Variants in CLDN1 observed in about 807,000 individuals in gnomAD.
The protein encoded by CLDN1 is claudin-1.
In CLDN1, 12 loss-of-function variants were observed where a neutral mutation model predicts 22.6. The observed-to-expected ratio is 0.53, with a 90% CI of 0.34 to 0.86. CLDN1 has a LOEUF of 0.86. Among genes scored for constraint, CLDN1 ranks in the 40% least tolerant of loss-of-function variants. The probability of loss-of-function intolerance (pLI) is 0.02; values close to 1 mark genes in which losing one functional copy is unlikely to be tolerated. For missense variants in CLDN1, 250 were observed against 269.5 expected (o/e 0.93, Z 0.51); for synonymous variants, 99 against 103.8 (o/e 0.95, Z 0.28).
chr3:190,322,193 C>A lies in CLDN1; in HGVS notation c.14G>T (p.Gly5Val), dbSNP rs1339820363. MANA[G>V]LQLLGFILAF... ...GAGAATGAAGCCCAACAGCTGCAGC[C>A]CCGCGTTGGCCATGACTCGCTCGGG... Residue 5 changes from glycine (G) to valine (V), a missense_variant, in exon 1 of 4, where the codon GGG becomes GTG. Physicochemically the swap from Gly to Val is moderately radical, Grantham distance 109 (BLOSUM62 -3). Coordinates refer to ENST00000295522, the MANE Select transcript of CLDN1 (RefSeq NM_021101.5). 1.1e-5 allele frequency: 18 copies of A among 1,613,800 alleles called. No individual in the cohort carries two copies. Among genetic ancestry groups the A allele is most frequent in the Non-Finnish European group, 1.5e-5 (18 of 1,180,012 alleles).
intron 2 of CLDN1, among the ~76,000 whole-genome samples, chr3:190,311,679 A>T (rs1716622576): frequency 6.6e-6 from 1 of 151,142 alleles, no homozygotes; most frequent in Non-Finnish European, 1.5e-5. Flanking sequence ...AACATATAGT[A>T]GTCTATTATT....
At chr3:190,313,505 T>C (rs1415006871) in intron 1 of CLDN1, among the ~76,000 whole-genome samples, 1 of 152,188 alleles carries the variant, frequency 6.6e-6, no homozygotes, top group Non-Finnish European at 1.5e-5. Context: ...ATCAATAAGC[T>C]TCAGAAAAAC....
At chr3:190,317,478 C>T (rs931971159) in intron 1 of CLDN1, among the ~76,000 whole-genome samples, 1 of 152,186 alleles carries the variant, frequency 6.6e-6, no homozygotes, top group African/African-American at 2.4e-5. Flanking sequence ...TACTGATCTA[C>T]TACACTTAGG....
Position 190,322,256 on chromosome 3 carries a change from G to T in CLDN1, c.-50C>A. 1 of 1,565,080 alleles carries T rather than the reference G, an allele frequency of 6.4e-7. No homozygotes were observed. ...CTCAGGGGTGGCAGGTGCAGAAGGCGGAGAGTTTGCAGGTGGGCAACCCGG... is the reference window on the plus strand; with the variant it reads ...CTCAGGGGTGGCAGGTGCAGAAGGCTGAGAGTTTGCAGGTGGGCAACCCGG... On this transcript the variant is annotated 5_prime_UTR_variant, in exon 1 of 4. Transcript: ENST00000295522.
At chr3:190,308,656 A>G (rs1716527549) in intron 3 of CLDN1, among the ~76,000 whole-genome samples, 1 of 152,214 alleles carries the variant, frequency 6.6e-6, no homozygotes, top group African/African-American at 2.4e-5. Context: ...AGGAAATAAC[A>G]CATGTAATAC....
Position 190,308,119 on chromosome 3 carries a change from G to A in CLDN1, c.*158C>T, listed in dbSNP as rs1716508065. 4 of 836,630 alleles carry A rather than the reference G, an allele frequency of 4.8e-6. No individual in the cohort carries two copies. The highest frequency in any genetic ancestry group is 4.4e-5 in the South Asian group (3 of 68,264). The allele number at this position is 836,630 out of a possible 1,614,324, so 51.8% of individuals were successfully genotyped here. ...ATAAGATTAAGCCATGTTTAGCACT[G>A]AGTATTTTAACACATGGGTTTTTTG... On this transcript the variant is annotated 3_prime_UTR_variant, in exon 4 of 4. Coordinates refer to ENST00000295522, the MANE Select transcript of CLDN1 (RefSeq NM_021101.5).
In CLDN1 at chr3:190,307,664, A is replaced by G. The variant is rs1370365302; in HGVS notation, c.*613T>C. 6.6e-6 allele frequency: 1 copy of G among 152,324 alleles called. No homozygotes were observed. Among genetic ancestry groups the G allele is most frequent in the Non-Finnish European group, 1.5e-5 (1 of 68,136 alleles). The allele number at this position is 152,324 out of a possible 1,614,324, so 9.4% of individuals were successfully genotyped here. A position where few individuals can be genotyped will look rare whatever the true frequency, so the allele number is the denominator to read the frequency against. On this transcript the variant is annotated 3_prime_UTR_variant, in exon 4 of 4. Coordinates refer to ENST00000295522, the MANE Select transcript of CLDN1 (RefSeq NM_021101.5). ...ACAAATAAGGGCTTAATAACGATGCAAGTGCTATAAGATTATGGTAAAAAA... is the reference window on the plus strand; with the variant it reads ...ACAAATAAGGGCTTAATAACGATGCGAGTGCTATAAGATTATGGTAAAAAA...
intron 1 of CLDN1, among the ~76,000 whole-genome samples, chr3:190,320,075 G>GA (rs1716878605): frequency 6.6e-6 from 1 of 151,492 alleles, no homozygotes; most frequent in Non-Finnish European, 1.5e-5. Context: ...AGTGTGTGTG[G>GA]GGGGGTAGGT....
intron 2 of CLDN1, among the ~76,000 whole-genome samples, chr3:190,312,495 T>C (rs1716649600): frequency 2.0e-5 from 3 of 152,208 alleles, no homozygotes; most frequent in Non-Finnish European, 2.9e-5. Flanking sequence ...AGGGTTCACA[T>C]ATTCTTGTGT....
chr3:190,307,977 T>C lies in CLDN1; in HGVS notation c.*300A>G, dbSNP rs1208623535. On this transcript the variant is annotated 3_prime_UTR_variant, in exon 4 of 4. Transcript: ENST00000295522. The stretch of plus-strand genomic sequence containing the variant: ...TTTTTAATAGAAAAACATGTATATA[T>C]ACATATCTATATATATTTAAGGAGC... 3.3e-6 allele frequency: 1 copy of C among 300,926 alleles called. No individual in the cohort carries two copies. Among genetic ancestry groups the C allele is most frequent in the African/African-American group, 2.1e-5 (1 of 46,634 alleles). 18.6% of individuals were successfully genotyped at this position (300,926 alleles called of 1,614,324 possible).
chr3:190,309,000 G>A (rs1376451776), intron 3 of CLDN1, among the ~76,000 whole-genome samples: 4 of 152,110 alleles, frequency 2.6e-5, no homozygotes, highest in Admixed American at 2.6e-4. Context: ...AGACACTTAG[G>A]GTGGGGTATC....
At chr3:190,312,011 G>A (rs868617562) in intron 2 of CLDN1, among the ~76,000 whole-genome samples, 2 of 150,594 alleles carry the variant, frequency 1.3e-5, no homozygotes, top group East Asian at 1.9e-4. Context: ...GCAGTGGTGC[G>A]ATCTCGGCTC....
intron 1 of CLDN1, among the ~76,000 whole-genome samples, chr3:190,313,435 A>G (rs1288632101): frequency 1.3e-5 from 2 of 152,244 alleles, no homozygotes; most frequent in East Asian, 3.8e-4. Flanking sequence ...GATGTTAACT[A>G]TTTGTAATCA....
chr3:190,309,490 C>A (rs1348333336), intron 3 of CLDN1, among the ~76,000 whole-genome samples: 1 of 152,158 alleles, frequency 6.6e-6, no homozygotes, highest in Non-Finnish European at 1.5e-5. Context: ...ATTTTAACAT[C>A]CTGACTGAAT....
chr3:190,306,905 G>T lies in CLDN1; in HGVS notation c.*1372C>A, dbSNP rs531676990. 2.0e-5 allele frequency: 3 copies of T among 152,656 alleles called. No homozygotes were observed. The highest frequency in any genetic ancestry group is 4.4e-5 in the Non-Finnish European group (3 of 68,096). The allele number at this position is 152,656 out of a possible 1,614,324, so 9.5% of individuals were successfully genotyped here. ...GAGGAAGGCACTGAACCACATGAAG[G>T]TATGTGTGTAGGTTTTGTTCAGTGG... is the stretch of plus-strand genomic sequence containing the variant. On this transcript the variant is annotated 3_prime_UTR_variant, in exon 4 of 4. Transcript: ENST00000295522.
intron 3 of CLDN1, 43 bp downstream of exon 3, chr3:190,310,126 A>G (rs374333339): frequency 5.2e-6 from 8 of 1,531,810 alleles, no homozygotes; most frequent in African/African-American, 2.7e-5. Context: ...TAAAAAGGGC[A>G]TTTTCTCAGA....
intron 1 of CLDN1, 97 bp downstream of exon 1, chr3:190,321,887 T>A: frequency 1.1e-6 from 1 of 898,450 alleles, no homozygotes; most frequent in Non-Finnish European, 1.8e-6. Flanking sequence ...AACTGAAGAC[T>A]GATAACCATG....
At chr3:190,310,580 A>G (rs1716587274) in intron 2 of CLDN1, among the ~76,000 whole-genome samples, 3 of 152,222 alleles carry the variant, frequency 2.0e-5, no homozygotes, top group African/African-American at 7.2e-5. Flanking sequence ...AGGATACTAA[A>G]CTACATTTGA....
At chr3:190,318,257 T>C (rs937736058) in intron 1 of CLDN1, among the ~76,000 whole-genome samples, 1 of 152,236 alleles carries the variant, frequency 6.6e-6, no homozygotes, top group Non-Finnish European at 1.5e-5. Flanking sequence ...TTCTTGTTTG[T>C]GTGTTTCTTC....
Sources: allele counts gnomAD v4.1 joint callset (sites outside exome capture counted in the v4.1 genomes callset), GRCh38; gene constraint gnomAD v4.1.1; transcripts MANE v1.5; gene names NCBI Gene and HGNC (gene_info 2026-07-23, HGNC 2026-07-21).